Variants in ZNF568 observed in about 807,000 individuals in gnomAD.
ZNF568 encodes the protein zinc finger protein 568, also known as p53 inhibitor of SCO2 activation.
ZNF568 carries 11 observed loss-of-function variants against 18.1 expected under a neutral mutation model. That is an observed-to-expected ratio of 0.61 (90% CI 0.38 to 1.00). The LOEUF is 1.00. ZNF568 is among the 50% of genes least tolerant of loss of function. The pLI, the probability that ZNF568 is intolerant of heterozygous loss-of-function variation, is 0.01. For synonymous variants in ZNF568, 213 were observed against 246.6 expected (o/e 0.86, Z 1.28); for missense variants, 639 against 768.2 (o/e 0.83, Z 1.99).
chr19:36,935,532 C>T (rs1408786485), intron 4 of ZNF568, among the ~76,000 whole-genome samples: 2 of 148,510 alleles, frequency 1.3e-5, no homozygotes, highest in African/African-American at 5.0e-5. Flanking sequence ...TGTACTCCAG[C>T]CTAGGCGACA....
intron 4 of ZNF568, among the ~76,000 whole-genome samples, chr19:36,994,205 T>G (rs1247542221): frequency 6.6e-6 from 1 of 152,188 alleles, no homozygotes; most frequent in Admixed American, 6.5e-5. Flanking sequence ...TTTTCACGTT[T>G]GTGAATTTCC....
intron 4 of ZNF568, among the ~76,000 whole-genome samples, chr19:36,926,792 A>G (rs1044820847): frequency 6.6e-6 from 1 of 152,068 alleles, no homozygotes; most frequent in African/African-American, 2.4e-5. Flanking sequence ...TCAGACGTCT[A>G]TGAAGTACAT....
chr19:36,997,281 TG>T, downstream of ZNF568: 1 of 1,602,718 alleles, frequency 6.2e-7, no homozygotes, highest in African/African-American at 1.3e-5. Flanking sequence ...GTGTCCATAC[TG>T]GGGAGAAACC....
chr19:36,973,773 G>C (rs1189877070), intron 6 of ZNF568: 1 of 152,780 alleles, frequency 6.5e-6, no homozygotes, highest in Non-Finnish European at 1.5e-5. Context: ...AGCGTGTGCC[G>C]GGTCATCGAC....
rs1234649502 is a variant in ZNF568, at chr19:36,950,917, T to C, written c.1764T>C (p.Cys588=). The C allele has an allele frequency of 6.2e-7, 1 of 1,613,696 alleles. No homozygotes were observed. The highest frequency in any genetic ancestry group is 1.1e-5 in the South Asian group (1 of 90,994). ...RSHTGEKPYE[C]NKCGKAFSQC... is the part of the protein sequence containing the mutation. ...ACACAGGGGAGAAACCCTATGAATG[T>C]AATAAATGTGGGAAAGCCTTTTCTC... The change falls in exon 7 of 7, where the codon TGT becomes TGC. Residue 588 remains cysteine (C), a synonymous_variant. Transcript: ENST00000333987.
downstream of ZNF568, chr19:36,980,295 A>G (rs777834931): frequency 6.7e-4 from 102 of 152,202 alleles, no homozygotes; most frequent in Non-Finnish European, 1.2e-3. Flanking sequence ...TAAAGATATT[A>G]TCCCTATTTT....
At chr19:36,996,472 G>C (rs779344039) in exon 5 of ZNF568, 19 of 1,536,308 alleles carry the variant, frequency 1.2e-5, no homozygotes, top group African/African-American at 2.7e-5. Context: ...CAGACCAGCT[G>C]TAATACCATT....
At chr19:36,985,105 A>G (rs73623524) in intron 2 of ZNF568, among the ~76,000 whole-genome samples, 2,004 of 152,166 alleles carry the variant, frequency 0.013, 47 homozygotes, top group African/African-American at 0.045. Context: ...TCTTCTGTAC[A>G]TCTGCTCATT....
intron 6 of ZNF568, among the ~76,000 whole-genome samples, chr19:36,964,125 G>GT (rs1489051473): frequency 6.7e-6 from 1 of 149,340 alleles, no homozygotes; most frequent in Non-Finnish European, 1.5e-5. Context: ...CAGTAACTTT[G>GT]TAAGATCTCA....
At position 36,922,765 on chromosome 19, in the gene ZNF568, G is replaced by A; in HGVS notation, c.-6G>A. ...GACCCTTCTGCCCAGAGCAGGCAGG[G>A]TCTGAATGACATCTCAATCTTCAGT... is the stretch of plus-strand genomic sequence containing the variant. On this transcript the variant is annotated 5_prime_UTR_variant, in exon 3 of 7. Transcript: ENST00000333987. The A allele has an allele frequency of 1.9e-6, 3 of 1,613,918 alleles. No individual in the cohort carries two copies. Among genetic ancestry groups the A allele is most frequent in the Non-Finnish European group, 2.5e-6 (3 of 1,179,924 alleles).
chr19:36,979,622 G>A (rs990972058), exon 8 of ZNF568: 2 of 152,212 alleles, frequency 1.3e-5, no homozygotes, highest in Admixed American at 6.5e-5. Flanking sequence ...CATTCACATT[G>A]CAAACTTATC....
At chr19:36,930,028 T>C (rs937520291) in intron 4 of ZNF568, among the ~76,000 whole-genome samples, 3 of 151,676 alleles carry the variant, frequency 2.0e-5, no homozygotes, top group Non-Finnish European at 4.4e-5. Flanking sequence ...TTTTTAAGGT[T>C]CGAACCCCTA....
intron 4 of ZNF568, among the ~76,000 whole-genome samples, chr19:36,936,440 T>G (rs1341880735): frequency 2.0e-5 from 3 of 152,208 alleles, no homozygotes; most frequent in African/African-American, 7.2e-5. Context: ...CTATTCCAAA[T>G]TTGCTCTGAA....
chr19:36,976,300 C>G (rs2146337111), intron 7 of ZNF568: 1 of 152,136 alleles, frequency 6.6e-6, no homozygotes, highest in African/African-American at 2.4e-5. Context: ...GCACTTTGAG[C>G]CACTTATAGT....
At chr19:36,925,112 A>T (rs144100886) in intron 3 of ZNF568, 88 bp from the exon 4 acceptor site, 3 of 1,119,586 alleles carry the variant, frequency 2.7e-6, no homozygotes, top group African/African-American at 3.1e-5. Context: ...TCATCTGTAG[A>T]GGGTCTTCTA....
chr19:36,977,666 G>T (rs1667341), intron 7 of ZNF568, among the ~76,000 whole-genome samples: 85,693 of 152,038 alleles, frequency 0.56, 25,015 homozygotes, highest in African/African-American at 0.69. Flanking sequence ...CCCCGTCCAT[G>T]CCCTGCACAC....
rs371873357 is a variant in ZNF568 at position 36,922,820 on chromosome 19, G to A, written c.50G>A (p.Arg17His). The change falls in exon 3 of 7, where the codon CGT (arginine) becomes CAT (histidine). Residue 17 changes from arginine (R) to histidine (H), a missense_variant. Arg to His is a conservative substitution (Grantham distance 29). Transcript: ENST00000333987. ...AGCAATAGCTGTGTGACAATGGAGC[G>A]TTTGAGCCACATGATGGAAAGGAAA... ...VISNSCVTME[R>H]LSHMMERKAW... The A allele has an allele frequency of 6.9e-5, 111 of 1,614,058 alleles. No homozygotes were observed. The African/African-American group carries it at 1.0e-3, about 15-fold the overall frequency.
At chr19:36,937,998 C>G (rs1285660657) in intron 6 of ZNF568, among the ~76,000 whole-genome samples, 1 of 152,096 alleles carries the variant, frequency 6.6e-6, no homozygotes, top group Non-Finnish European at 1.5e-5. Flanking sequence ...TTGGAGTTAT[C>G]CTGGCTATTT....
At chr19:36,921,440 A>C (rs1341393404) in intron 2 of ZNF568, among the ~76,000 whole-genome samples, 1 of 151,984 alleles carries the variant, frequency 6.6e-6, no homozygotes, top group Non-Finnish European at 1.5e-5. Flanking sequence ...CAGCCTGGGC[A>C]ACAAGAGCGA....
Sources: gnomAD v4.1 joint callset for allele counts (sites outside exome capture counted in the v4.1 genomes callset) on GRCh38, gnomAD v4.1.1 for gene constraint, MANE v1.5 for transcripts, NCBI Gene and HGNC (gene_info 2026-07-23, HGNC 2026-07-21) for gene names.